MELK: variants seen among roughly 807,000 people sequenced by gnomAD.
MELK encodes the protein maternal embryonic leucine zipper kinase.
Under a neutral mutation model 85.0 loss-of-function variants are expected in MELK, and 81 were observed. The observed-to-expected ratio is 0.95, with a 90% confidence interval of 0.80 to 1.15. The LOEUF (loss-of-function observed/expected upper bound fraction) is 1.15, where lower values mean the gene tolerates loss of function less well. Ranked by LOEUF, MELK falls within the 50% of genes most tolerant of loss-of-function variation. MELK has a pLI of 0.00. For synonymous variants in MELK, 252 were observed against 265.0 expected, an observed-to-expected ratio of 0.95 and a Z score of 0.48; for missense variants, 754 against 777.5, an observed-to-expected ratio of 0.97 and a Z score of 0.36.
chr9:36,651,922 TC>T, intron 12 of MELK, 45 bp downstream of exon 12: 1 of 1,588,112 alleles, frequency 6.3e-7, no homozygotes. Flanking sequence ...CCCTCCCTGT[TC>T]CTGAGTGTGT....
chr9:36,673,511 C>T (rs1833076960), intron 16 of MELK, among the ~76,000 whole-genome samples: 1 of 152,190 alleles, frequency 6.6e-6, no homozygotes, highest in Non-Finnish European at 1.5e-5. Context: ...TCACTGCAGC[C>T]TCAACCTTCT....
At chr9:36,590,762 A>C (rs1823454259) in intron 4 of MELK, among the ~76,000 whole-genome samples, 1 of 152,174 alleles carries the variant, frequency 6.6e-6, no homozygotes, top group Admixed American at 6.6e-5. Context: ...ACAGGATAGC[A>C]CTGTTTTAAA....
intron 11 of MELK, among the ~76,000 whole-genome samples, chr9:36,644,350 A>G (rs992927014): frequency 3.3e-5 from 5 of 152,012 alleles, no homozygotes; most frequent in Non-Finnish European, 7.4e-5. Context: ...ATCACCTGTG[A>G]TTTATGTTTG....
intron 14 of MELK, 66 bp downstream of exon 14, chr9:36,665,647 G>A (rs1832270054): frequency 7.9e-7 from 1 of 1,271,448 alleles, no homozygotes; most frequent in Admixed American, 2.2e-5. Context: ...TAAACATATA[G>A]CAGGTCAGAA....
chr9:36,635,763 A>T (rs1354361514), intron 10 of MELK, among the ~76,000 whole-genome samples: 1 of 152,090 alleles, frequency 6.6e-6, no homozygotes, highest in South Asian at 2.1e-4. Flanking sequence ...TAAACAATTT[A>T]AAAAATACTA....
chr9:36,634,786 C>A (rs1828962373), intron 10 of MELK, among the ~76,000 whole-genome samples: 1 of 152,004 alleles, frequency 6.6e-6, no homozygotes, highest in African/African-American at 2.4e-5. Context: ...ATTATGAGGT[C>A]AGGAGTTCGA....
chr9:36,591,062 A>G (rs1186175740), intron 4 of MELK, among the ~76,000 whole-genome samples: 1 of 152,226 alleles, frequency 6.6e-6, no homozygotes, highest in African/African-American at 2.4e-5. Context: ...ACTGTACTCC[A>G]GCCTGGGTGA....
At position 36,618,986 on chromosome 9, in the gene MELK, T is replaced by A. The variant is rs1827132380; in HGVS notation, c.666+11313T>A. ...TTTTTTTTTTTTTTTTGAGACGGAG[T>A]CTTGCTCTGTTGTCCAGGCTGGAGT... On this transcript the variant is annotated intron_variant, in intron 8 of 17. Transcript: ENST00000298048. Among the ~76,000 whole-genome samples, 17 of 143,166 alleles carry A rather than the reference T, an allele frequency of 1.2e-4. No individual in the cohort carries two copies. In the South Asian group the frequency reaches 3.8e-3, roughly 32 times the overall value. The allele number at this position is 143,166 out of a possible 152,430, so 93.9% of individuals were successfully genotyped here.
intron 8 of MELK, among the ~76,000 whole-genome samples, chr9:36,621,684 T>C (rs1336992783): frequency 6.6e-6 from 1 of 152,212 alleles, no homozygotes; most frequent in African/African-American, 2.4e-5. Flanking sequence ...ATTTATTGAC[T>C]TAACTCTAAC....
intron 4 of MELK, among the ~76,000 whole-genome samples, chr9:36,590,956 G>A (rs1049633462): frequency 2.6e-5 from 4 of 151,894 alleles, no homozygotes; most frequent in Admixed American, 2.6e-4. Context: ...GTGATGGCGC[G>A]TGGTGCGCAC....
intron 7 of MELK, among the ~76,000 whole-genome samples, chr9:36,601,676 CT>C (rs1256092622): frequency 7.2e-5 from 11 of 152,182 alleles, no homozygotes; most frequent in Non-Finnish European, 1.2e-4. Context: ...CTCCAGGGCT[CT>C]TTTAATTTTG....
intron 10 of MELK, among the ~76,000 whole-genome samples, chr9:36,641,811 T>C (rs1829786240): frequency 6.6e-6 from 1 of 152,088 alleles, no homozygotes. Context: ...TTCTCCATGT[T>C]GGTCAGGCTG....
intron 11 of MELK, among the ~76,000 whole-genome samples, chr9:36,649,977 T>C (rs1049043652): frequency 1.5e-4 from 23 of 151,908 alleles, no homozygotes; most frequent in African/African-American, 4.8e-4. Flanking sequence ...AGAATCTCGC[T>C]CTGTCGCCCA....
At chr9:36,650,100 C>A (rs1022643473) in intron 11 of MELK, among the ~76,000 whole-genome samples, 1 of 152,002 alleles carries the variant, frequency 6.6e-6, no homozygotes, top group East Asian at 1.9e-4. Flanking sequence ...CCCACTACCA[C>A]GCCCGGCTAA....
chr9:36,585,776 A>C (rs1311317004), intron 3 of MELK, among the ~76,000 whole-genome samples: 2 of 151,990 alleles, frequency 1.3e-5, no homozygotes, highest in Non-Finnish European at 2.9e-5. Context: ...TCCCTACAAA[A>C]AATAAAAAAA....
chr9:36,649,537 G>A (rs528377786), intron 11 of MELK, among the ~76,000 whole-genome samples: 3 of 151,936 alleles, frequency 2.0e-5, no homozygotes, highest in Non-Finnish European at 4.4e-5. Flanking sequence ...AGGCTGAGGC[G>A]GCAGGTGGAT....
rs539508211 is a variant in MELK, at chr9:36,575,405, A to G, written c.-39+2398A>G. Among the ~76,000 whole-genome samples, 6 of 152,346 alleles carry G rather than the reference A, an allele frequency of 3.9e-5. No homozygotes were observed. The East Asian group carries it at 1.2e-3, about 29-fold the overall frequency. On this transcript the variant is annotated intron_variant, in intron 1 of 17. Coordinates refer to ENST00000298048, the MANE Select transcript of MELK (RefSeq NM_014791.4). ...CATGAGAATATTTAGAACCAGCTCC[A>G]CATTCACAAAGATTTACAAATCAAG...
At chr9:36,673,956 T>C (rs1374686806) in intron 16 of MELK, among the ~76,000 whole-genome samples, 1 of 152,182 alleles carries the variant, frequency 6.6e-6, no homozygotes, top group Non-Finnish European at 1.5e-5. Context: ...CTTGTCTATC[T>C]TGTATCACAC....
chr9:36,580,848 C>T (rs1397552665), intron 1 of MELK, among the ~76,000 whole-genome samples: 6 of 152,008 alleles, frequency 3.9e-5, no homozygotes, highest in Non-Finnish European at 5.9e-5. Context: ...CCTGCATCAG[C>T]CTCCCAAGTA....
Sources: gnomAD v4.1 joint callset for allele counts (sites outside exome capture counted in the v4.1 genomes callset) on GRCh38, gnomAD v4.1.1 for gene constraint, MANE v1.5 for transcripts, NCBI Gene and HGNC (gene_info 2026-07-23, HGNC 2026-07-21) for gene names.